PRELID2: variants seen among roughly 807,000 people sequenced by gnomAD.
PRELID2 encodes PRELI domain containing 2.
Under a neutral mutation model 28.4 loss-of-function variants are expected in PRELID2, and 25 were observed. The observed-to-expected ratio is 0.88, with a 90% CI of 0.64 to 1.23. The LOEUF is 1.23. Ranked by LOEUF, PRELID2 falls within the 50% of genes most tolerant of loss-of-function variation. The probability of loss-of-function intolerance (pLI) is 0.00; values close to 1 mark genes in which losing one functional copy is unlikely to be tolerated. For synonymous variants in PRELID2, 76 were observed against 71.6 expected (o/e 1.06, Z -0.31); for missense variants, 201 against 214.4 (o/e 0.94, Z 0.39).
At chr5:145,449,357 T>C in the PRELID2 span, among the ~76,000 whole-genome samples, 1 of 151,972 alleles carries the variant, frequency 6.6e-6, no homozygotes, top group Non-Finnish European at 1.5e-5. Context: ...GGATAGGAGA[T>C]GGAATGGGAG....
At chr5:145,553,701 A>G (rs371452878) in intron 1 of PRELID2, among the ~76,000 whole-genome samples, 2 of 152,250 alleles carry the variant, frequency 1.3e-5, no homozygotes, top group East Asian at 3.8e-4. Context: ...GTTTTATATA[A>G]TATAGTGGGT....
At chr5:145,810,079 T>TAAAA (rs1302735264) in intron 4 of PRELID2, among the ~76,000 whole-genome samples, 4 of 152,130 alleles carry the variant, frequency 2.6e-5, no homozygotes. Flanking sequence ...TTTTGGAGGG[T>TAAAA]AAAAACCATG....
intron 1 of PRELID2, among the ~76,000 whole-genome samples, chr5:145,577,973 G>A (rs62395864): frequency 0.044 from 6,715 of 152,152 alleles, 336 homozygotes; most frequent in African/African-American, 0.12. Context: ...AATCAATGAC[G>A]AATGACATTT....
chr5:145,337,566 A>G, the PRELID2 span, among the ~76,000 whole-genome samples: 2 of 151,606 alleles, frequency 1.3e-5, no homozygotes, highest in Non-Finnish European at 2.9e-5. Context: ...CTTGCTCCTC[A>G]GGTCCATTTG....
At chr5:145,410,157 A>G in the PRELID2 span, among the ~76,000 whole-genome samples, 5 of 152,226 alleles carry the variant, frequency 3.3e-5, no homozygotes, top group African/African-American at 1.2e-4. Flanking sequence ...TACATAAATC[A>G]AGTCAAGATG....
At chr5:145,766,654 T>A (rs1165651558) in intron 5 of PRELID2, among the ~76,000 whole-genome samples, 1 of 152,170 alleles carries the variant, frequency 6.6e-6, no homozygotes, top group Non-Finnish European at 1.5e-5. Flanking sequence ...GAGTGTTTGC[T>A]AAACCAAAGC....
intron 1 of PRELID2, among the ~76,000 whole-genome samples, chr5:145,703,580 T>C (rs1278587931): frequency 6.6e-6 from 1 of 152,218 alleles, no homozygotes; most frequent in East Asian, 1.9e-4. Context: ...AAATGGGACA[T>C]TTGACTAAAC....
At chr5:145,392,482 A>G in the PRELID2 span, among the ~76,000 whole-genome samples, 1 of 152,180 alleles carries the variant, frequency 6.6e-6, no homozygotes, top group South Asian at 2.1e-4. Flanking sequence ...TCAAGATGAG[A>G]TTTGGGTGAG....
At chr5:145,765,539 G>A (rs1757693822) in intron 5 of PRELID2, among the ~76,000 whole-genome samples, 1 of 152,070 alleles carries the variant, frequency 6.6e-6, no homozygotes, top group Non-Finnish European at 1.5e-5. Context: ...CCCTCCAGGG[G>A]CAGCATACAT....
chr5:145,725,441 A>G (rs1756118936), intron 1 of PRELID2, among the ~76,000 whole-genome samples: 1 of 152,234 alleles, frequency 6.6e-6, no homozygotes, highest in African/African-American at 2.4e-5. Context: ...AATGAGCACT[A>G]CTTCATTAAC....
intron 1 of PRELID2, among the ~76,000 whole-genome samples, chr5:145,510,150 G>A (rs1336025375): frequency 3.3e-5 from 5 of 152,106 alleles, no homozygotes; most frequent in Non-Finnish European, 7.3e-5. Flanking sequence ...CTAGTGACTG[G>A]TTCACACTCA....
chr5:145,316,941 A>G, the PRELID2 span, among the ~76,000 whole-genome samples: 1 of 152,182 alleles, frequency 6.6e-6, no homozygotes, highest in African/African-American at 2.4e-5. Flanking sequence ...GCTCTCACAA[A>G]TCATCACAGT....
At chr5:145,636,964 C>A (rs143286280) in intron 1 of PRELID2, among the ~76,000 whole-genome samples, 1 of 152,168 alleles carries the variant, frequency 6.6e-6, no homozygotes, top group Non-Finnish European at 1.5e-5. Context: ...CAAAGCTATT[C>A]TACCAACGGA....
chr5:145,333,583 G>C, the PRELID2 span, among the ~76,000 whole-genome samples: 1 of 152,224 alleles, frequency 6.6e-6, no homozygotes, highest in Admixed American at 6.5e-5. Flanking sequence ...GGGGAAAACT[G>C]CCTACTCAAG....
chr5:145,651,894 G>A (rs1461095324), intron 1 of PRELID2, among the ~76,000 whole-genome samples: 1 of 152,244 alleles, frequency 6.6e-6, no homozygotes, highest in Non-Finnish European at 1.5e-5. Flanking sequence ...ATGGAACAAA[G>A]CTGGATGGAG....
intron 1 of PRELID2, among the ~76,000 whole-genome samples, chr5:145,738,903 A>T (rs1340871471): frequency 6.6e-6 from 1 of 152,176 alleles, no homozygotes; most frequent in Non-Finnish European, 1.5e-5. Flanking sequence ...AAACTTCAAC[A>T]AAAGTAAAGA....
intron 1 of PRELID2, among the ~76,000 whole-genome samples, chr5:145,571,148 C>G (rs189463678): frequency 6.6e-6 from 1 of 152,084 alleles, no homozygotes; most frequent in African/African-American, 2.4e-5. Flanking sequence ...GCTTAATTCC[C>G]CAGGTTCAAA....
At chr5:145,451,289 C>T in the PRELID2 span, among the ~76,000 whole-genome samples, 2 of 152,144 alleles carry the variant, frequency 1.3e-5, no homozygotes, top group African/African-American at 2.4e-5. Context: ...CCACTCCAAC[C>T]CCCTAGCCTA....
At chr5:145,313,750 A>T in the PRELID2 span, among the ~76,000 whole-genome samples, 1 of 152,318 alleles carries the variant, frequency 6.6e-6, no homozygotes, top group African/African-American at 2.4e-5. Flanking sequence ...CTCACTTCCC[A>T]AAGAGTTGCA....
Sources: allele counts gnomAD v4.1 joint callset (sites outside exome capture counted in the v4.1 genomes callset), GRCh38; gene constraint gnomAD v4.1.1; transcripts MANE v1.5; gene names NCBI Gene and HGNC (gene_info 2026-07-23, HGNC 2026-07-21).